Variants in AKR1C3 observed in about 807,000 individuals in gnomAD.
AKR1C3 encodes the protein 3-alpha hydroxysteroid dehydrogenase, type II.
A neutral mutation model predicts 43.6 loss-of-function variants in AKR1C3; 48 were observed. The observed-to-expected ratio is 1.10, with a 90% confidence interval of 0.87 to 1.40. AKR1C3 has a LOEUF of 1.40. Among genes scored for constraint, AKR1C3 ranks in the 40% most tolerant of loss-of-function variants. The pLI, the probability that AKR1C3 is intolerant of heterozygous loss-of-function variation, is 0.00. For missense variants in AKR1C3, 482 were observed against 391.2 expected (o/e 1.23, Z -1.96); for synonymous variants, 162 against 139.6 (o/e 1.16, Z -1.13).
At chr10:5,069,788 T>C (rs1205385199) in intron 1 of AKR1C3, among the ~76,000 whole-genome samples, 2 of 151,940 alleles carry the variant, frequency 1.3e-5, no homozygotes, top group Non-Finnish European at 2.9e-5. Context: ...GCATGAGTAT[T>C]GCTTAAACCC....
At chr10:5,065,661 C>T (rs1163070247) in intron 1 of AKR1C3, among the ~76,000 whole-genome samples, 1 of 152,248 alleles carries the variant, frequency 6.6e-6, no homozygotes, top group Non-Finnish European at 1.5e-5. Flanking sequence ...TTTAAATACA[C>T]TCTAGCAGTT....
intron 1 of AKR1C3, among the ~76,000 whole-genome samples, chr10:5,053,826 G>A (rs1045168388): frequency 2.6e-5 from 4 of 152,202 alleles, no homozygotes; most frequent in Non-Finnish European, 5.9e-5. Context: ...GTTGGTCCAG[G>A]GGTCCTTGGT....
At chr10:5,064,894 A>G (rs561404711) in intron 1 of AKR1C3, among the ~76,000 whole-genome samples, 1 of 145,670 alleles carries the variant, frequency 6.9e-6, no homozygotes, top group African/African-American at 2.6e-5. Flanking sequence ...AATATCCAGA[A>G]TCTACAAGAA....
intron 7 of AKR1C3, among the ~76,000 whole-genome samples, chr10:5,103,541 T>C (rs961146122): frequency 6.2e-4 from 95 of 152,328 alleles, no homozygotes; most frequent in Middle Eastern, 3.4e-3. Context: ...CTGGGCTCTC[T>C]CATGTGTTTG....
chr10:5,090,834 C>T (rs1165792445), upstream of AKR1C3, among the ~76,000 whole-genome samples: 1 of 152,060 alleles, frequency 6.6e-6, no homozygotes, highest in Non-Finnish European at 1.5e-5. Context: ...GATGAAATTA[C>T]AAGACAAAGT....
Position 5,102,427 on chromosome 10 carries a change from G to A in AKR1C3, c.681-58G>A, listed in dbSNP as rs1261981497. On this transcript the variant is annotated intron_variant, in intron 6 of 8. Transcript: ENST00000380554. ...GTGGATGCCTTAGTCTGTTTAGGGA[G>A]CCGCCTAACAAACTATCGCCAGCCT... 44 of 1,239,796 alleles carry A rather than the reference G, an allele frequency of 3.5e-5. No individual in the cohort carries two copies. In the Admixed American group the frequency reaches 8.4e-4, roughly 24 times the overall value. 76.8% of individuals were successfully genotyped at this position (1,239,796 alleles called of 1,614,324 possible).
intron 1 of AKR1C3, among the ~76,000 whole-genome samples, chr10:5,070,182 T>A (rs1300957602): frequency 6.6e-6 from 1 of 152,154 alleles, no homozygotes; most frequent in Non-Finnish European, 1.5e-5. Context: ...AAGGAGAGAT[T>A]CCCCTGTATG....
chr10:5,053,337 T>C (rs1277657276), intron 1 of AKR1C3, among the ~76,000 whole-genome samples: 1 of 152,208 alleles, frequency 6.6e-6, no homozygotes, highest in Non-Finnish European at 1.5e-5. Context: ...CAGCAGCTGC[T>C]GGCCCAGGTG....
chr10:5,097,522 A>G lies in AKR1C3; in HGVS notation c.341A>G (p.Tyr114Cys). 6.2e-7 allele frequency: 1 copy of G among 1,613,766 alleles called. No individual in the cohort carries two copies. The highest frequency in any genetic ancestry group is 8.5e-7 in the Non-Finnish European group (1 of 1,179,708). ...GCTCAATTGGACTATGTTGACCTCT[A>G]TCTTATTCATTCTCCAATGTCTCTA... ...KKAQLDYVDLYLIHSPMSLKP... is the reference protein window; with the variant it reads ...KKAQLDYVDLCLIHSPMSLKP... The change falls in exon 3 of 9, where the codon TAT becomes TGT. Residue 114 changes from tyrosine to cysteine, a missense_variant. Physicochemically the swap from Tyr to Cys is radical, Grantham distance 194 (BLOSUM62 -2). Transcript: ENST00000380554.
intron 1 of AKR1C3, among the ~76,000 whole-genome samples, chr10:5,051,528 C>G (rs1261448628): frequency 6.6e-6 from 1 of 152,208 alleles, no homozygotes; most frequent in Non-Finnish European, 1.5e-5. Context: ...ATATGAACTT[C>G]TTAACATCCA....
chr10:5,079,959 G>A (rs1554782196), intron 1 of AKR1C3, among the ~76,000 whole-genome samples: 1 of 152,244 alleles, frequency 6.6e-6, no homozygotes, highest in Non-Finnish European at 1.5e-5. Flanking sequence ...TGCATGGTAT[G>A]CAAAGCAGAA....
At chr10:5,058,765 G>A (rs183035325) in intron 1 of AKR1C3, among the ~76,000 whole-genome samples, 1 of 152,248 alleles carries the variant, frequency 6.6e-6, no homozygotes, top group Non-Finnish European at 1.5e-5. Context: ...AGGAAGGTTG[G>A]ATTTAGTGGC....
chr10:5,054,949 T>C (rs1194773379), intron 1 of AKR1C3, among the ~76,000 whole-genome samples: 1 of 152,260 alleles, frequency 6.6e-6, no homozygotes, highest in Non-Finnish European at 1.5e-5. Flanking sequence ...ATAATTTCCT[T>C]ATGGTATTTA....
chr10:5,077,722 T>TAGAGAAA (rs1180293141), intron 1 of AKR1C3: 1 of 1,183,310 alleles, frequency 8.5e-7, no homozygotes, highest in African/African-American at 1.6e-5. Context: ...CTTTTCCCTT[T>TAGAGAAA]AGAGAAAAAA....
chr10:5,068,167 CATA>C (rs150990448), intron 1 of AKR1C3, among the ~76,000 whole-genome samples: 7,442 of 152,040 alleles, frequency 0.049, 219 homozygotes, highest in East Asian at 0.16. Context: ...TTTATAGTAA[CATA>C]ATAATCATAA....
chr10:5,076,889 G>A (rs1838726692), intron 1 of AKR1C3, among the ~76,000 whole-genome samples: 1 of 152,120 alleles, frequency 6.6e-6, no homozygotes, highest in African/African-American at 2.4e-5. Context: ...CCAGAATTAT[G>A]TGGCTACTTG....
intron 5 of AKR1C3, among the ~76,000 whole-genome samples, chr10:5,100,443 A>G (rs1839318863): frequency 6.6e-6 from 1 of 152,210 alleles, no homozygotes; most frequent in African/African-American, 2.4e-5. Context: ...TCATCCAATC[A>G]GTTGTTTAAA....
In AKR1C3 at chr10:5,053,888, G is replaced by A. The variant is rs371536186; in HGVS notation, c.84+4993G>A. ...GGTTCCATTTGTAAGACCATCTGTA[G>A]CTTGATGGCCTTGATTCTAGAGGAA... On this transcript the variant is annotated intron_variant, in intron 1 of 8. Transcript: ENST00000439082. 6.6e-5 allele frequency among the ~76,000 whole-genome samples: 10 copies of A among 152,310 alleles called. No individual in the cohort carries two copies. In the South Asian group the frequency reaches 1.4e-3, roughly 22 times the overall value.
intron 5 of AKR1C3, among the ~76,000 whole-genome samples, chr10:5,100,813 AAAAT>A (rs1839330549): frequency 6.6e-6 from 1 of 152,206 alleles, no homozygotes; most frequent in Admixed American, 6.5e-5. Context: ...AAATTTGATA[AAAAT>A]AATACACGAT....
Sources: gnomAD v4.1 joint callset for allele counts (sites outside exome capture counted in the v4.1 genomes callset) on GRCh38, gnomAD v4.1.1 for gene constraint, MANE v1.5 for transcripts, NCBI Gene and HGNC (gene_info 2026-07-23, HGNC 2026-07-21) for gene names.